The following UGT1A8 variants were observed in gnomAD, a reference collection of about 807,000 sequenced individuals.
The protein encoded by UGT1A8 is UDP glucuronosyltransferase family 1 member A8.
A neutral mutation model predicts 45.3 loss-of-function variants in UGT1A8; 39 were observed. The ratio of observed to expected loss-of-function variants is 0.86; its 90% CI spans 0.67 to 1.12. UGT1A8 has a LOEUF of 1.12. UGT1A8 is among the 50% of genes most tolerant of loss of function. The pLI, the probability that UGT1A8 is intolerant of heterozygous loss-of-function variation, is 0.00. For missense variants in UGT1A8, 719 were observed against 664.9 expected (o/e 1.08, Z -0.90); for synonymous variants, 275 against 249.2 (o/e 1.10, Z -0.97).
chr2:233,767,370 A>G (rs1265140795), intron 2 of UGT1A8, among the ~76,000 whole-genome samples: 1 of 152,186 alleles, frequency 6.6e-6, no homozygotes, highest in Non-Finnish European at 1.5e-5. Context: ...CTATTAAACT[A>G]TGATCCACCA....
chr2:233,703,013 G>T lies in UGT1A8; in HGVS notation c.856-64021G>T, dbSNP rs144391169. ...CTCTTCTATTTTTTGGGAACAGTCT[G>T]TCAAGAATTGGTATTCATTCTTTAC... is the stretch of plus-strand genomic sequence containing the variant. On this transcript the variant is annotated intron_variant, in intron 1 of 4. Coordinates refer to ENST00000373450, the MANE Select transcript of UGT1A8 (RefSeq NM_019076.5). Among the ~76,000 whole-genome samples, 828 of 152,308 alleles carry T rather than the reference G, an allele frequency of 5.4e-3. 6 individuals carry two copies. The highest frequency in any genetic ancestry group is 0.019 in the African/African-American group (788 of 41,570).
At chr2:233,701,296 C>G (rs2075621546) in intron 1 of UGT1A8, among the ~76,000 whole-genome samples, 1 of 152,150 alleles carries the variant, frequency 6.6e-6, no homozygotes, top group Non-Finnish European at 1.5e-5. Flanking sequence ...AATCGCCACA[C>G]TGTCTTCCAC....
At chr2:233,640,044 GA>G (rs1212395066) in intron 1 of UGT1A8, among the ~76,000 whole-genome samples, 1 of 152,198 alleles carries the variant, frequency 6.6e-6, no homozygotes, top group Non-Finnish European at 1.5e-5. Flanking sequence ...CAGACCTGGG[GA>G]TAGGATGTGG....
chr2:233,670,990 G>C (rs2074173781), intron 1 of UGT1A8, among the ~76,000 whole-genome samples: 1 of 152,140 alleles, frequency 6.6e-6, no homozygotes, highest in South Asian at 2.1e-4. Flanking sequence ...TTATGGATGG[G>C]GGCAGTCCTA....
At chr2:233,717,797 G>A (rs1227021075) in intron 1 of UGT1A8, 1 of 455,964 alleles carries the variant, frequency 2.2e-6, no homozygotes, top group African/African-American at 2.0e-5. Context: ...TTGAAGTAGT[G>A]CCCCCACAAA....
At chr2:233,693,568 T>A (rs879089605) in intron 1 of UGT1A8, 1 of 1,614,242 alleles carries the variant, frequency 6.2e-7, no homozygotes, top group South Asian at 1.1e-5. Context: ...GCCCAGACCC[T>A]GTGTCCTACA....
At position 233,718,924 on chromosome 2, in the gene UGT1A8, C is replaced by T. The variant is rs1174289899; in HGVS notation, c.856-48110C>T. The stretch of plus-strand genomic sequence containing the variant: ...GAGAGTGGAAAGGTGTTGGTGGTGC[C>T]CACTGATGGCAGCCCCTGGCTCAGC... On this transcript the variant is annotated intron_variant, in intron 1 of 4. Transcript: ENST00000373450. 2.5e-6 allele frequency: 4 copies of T among 1,613,938 alleles called. No homozygotes were observed. The Admixed American group carries it at 5.0e-5, about 20-fold the overall frequency.
At chr2:233,713,906 T>C (rs759773170) in intron 1 of UGT1A8, 10 of 1,612,574 alleles carry the variant, frequency 6.2e-6, no homozygotes, top group Non-Finnish European at 8.5e-6. Flanking sequence ...CAAAACACTT[T>C]TTAAAAAATG....
At chr2:233,678,038 G>A (rs1274982607) in intron 1 of UGT1A8, among the ~76,000 whole-genome samples, 1 of 152,122 alleles carries the variant, frequency 6.6e-6, no homozygotes, top group African/African-American at 2.4e-5. Flanking sequence ...GCAGCTGGAG[G>A]TCATTACCCT....
chr2:233,693,323 G>A, intron 1 of UGT1A8: 2 of 1,614,140 alleles, frequency 1.2e-6, no homozygotes, highest in Non-Finnish European at 8.5e-7. Context: ...ATTCCTAACT[G>A]CTCCTCAGAC....
chr2:233,709,806 A>G (rs1242938864), intron 1 of UGT1A8, among the ~76,000 whole-genome samples: 1 of 152,186 alleles, frequency 6.6e-6, no homozygotes, highest in African/African-American at 2.4e-5. Context: ...TACATTTCTG[A>G]GTTGTAATGA....
intron 1 of UGT1A8, 105 bp from the exon 2 acceptor site, chr2:233,766,928 CT>C: frequency 6.3e-7 from 1 of 1,578,028 alleles, no homozygotes; most frequent in Non-Finnish European, 8.6e-7. Flanking sequence ...ACACGCATGC[CT>C]TTAATCATAG....
At chr2:233,697,703 A>G (rs1225043788) in intron 1 of UGT1A8, among the ~76,000 whole-genome samples, 2 of 151,894 alleles carry the variant, frequency 1.3e-5, no homozygotes, top group South Asian at 2.1e-4. Context: ...GGATGTAGGC[A>G]TTTATTGTTA....
chr2:233,660,534 A>G (rs981206394), intron 1 of UGT1A8, among the ~76,000 whole-genome samples: 1 of 152,202 alleles, frequency 6.6e-6, no homozygotes, highest in Admixed American at 6.5e-5. Context: ...TTTCTGTTGT[A>G]CTGGCCTTCT....
chr2:233,693,217 A>T (rs1044652784), intron 1 of UGT1A8: 1 of 1,614,210 alleles, frequency 6.2e-7, no homozygotes, highest in Non-Finnish European at 8.5e-7. Context: ...AAGAATCCAA[A>T]TACTACACAA....
At chr2:233,629,178 A>G (rs1034189117) in intron 1 of UGT1A8, among the ~76,000 whole-genome samples, 1 of 152,082 alleles carries the variant, frequency 6.6e-6, no homozygotes, top group African/African-American at 2.4e-5. Context: ...TACGTATCTG[A>G]CTATTTTAGA....
intron 1 of UGT1A8, chr2:233,719,249 T>C: frequency 1.2e-6 from 2 of 1,614,200 alleles, no homozygotes; most frequent in South Asian, 2.2e-5. Flanking sequence ...ACCTGAATGC[T>C]ACTTCCTTTG....
intron 1 of UGT1A8, chr2:233,649,087 C>T (rs192581947): frequency 1.5e-5 from 13 of 865,930 alleles, no homozygotes; most frequent in Admixed American, 8.8e-5. Context: ...TAAAAAGATT[C>T]CTTACGGAAC....
intron 1 of UGT1A8, among the ~76,000 whole-genome samples, chr2:233,732,779 AT>A (rs1417655336): frequency 8.9e-6 from 1 of 112,574 alleles, no homozygotes; most frequent in South Asian, 2.6e-4. Context: ...TTTGCTTAGG[AT>A]TGTCTTGGCA....
Sources: allele counts gnomAD v4.1 joint callset (sites outside exome capture counted in the v4.1 genomes callset), GRCh38; gene constraint gnomAD v4.1.1; transcripts MANE v1.5; gene names NCBI Gene and HGNC (gene_info 2026-07-23, HGNC 2026-07-21).